BIRC6: variants seen among roughly 807,000 people sequenced by gnomAD.
The protein encoded by BIRC6 is dual E2 ubiquitin-conjugating enzyme/E3 ubiquitin-protein ligase BIRC6.
In BIRC6, 98 loss-of-function variants were observed where a neutral mutation model predicts 503.3. That is an observed-to-expected ratio of 0.19 (90% CI 0.17 to 0.23). BIRC6 has a LOEUF of 0.23. Among genes scored for constraint, BIRC6 ranks in the 10% least tolerant of loss-of-function variants. The probability of loss-of-function intolerance (pLI) is 1.00; values close to 1 mark genes in which losing one functional copy is unlikely to be tolerated. For missense variants in BIRC6, 5,360 were observed against 5,806.0 expected (o/e 0.92, Z 2.50); for synonymous variants, 2,240 against 2,078.7 (o/e 1.08, Z -2.11).
At chr2:32,561,439 C>T (rs1399753191) in intron 65 of BIRC6, among the ~76,000 whole-genome samples, 1 of 151,476 alleles carries the variant, frequency 6.6e-6, no homozygotes, top group Non-Finnish European at 1.5e-5. Context: ...TGGGTTTCAC[C>T]ATGTTAACCA....
At chr2:32,379,200 A>T (rs2037266384) in intron 2 of BIRC6, 1 of 152,198 alleles carries the variant, frequency 6.6e-6, no homozygotes, top group African/African-American at 2.4e-5. Context: ...GTCTGGAGGC[A>T]TGTCTAAAAT....
rs768326394 is a variant in BIRC6 at position 32,515,142 on chromosome 2, A to G, written c.10721A>G (p.His3574Arg). ...MGITPPPVQC[H>R]HRLSMTDDSK... ...ATTACCCCTCCTCCAGTGCAATGTC[A>G]TCATAGACTGTCCATGACAGATGAT... Residue 3574 changes from histidine to arginine, a missense_variant, in exon 55 of 74, where the codon CAT becomes CGT. Physicochemically the swap from His to Arg is conservative, Grantham distance 29. Around this residue, in one of 16 missense-constraint regions of BIRC6, gnomAD observed 878 missense variants for 928.9 expected, o/e 0.95. Coordinates refer to ENST00000421745, the MANE Select transcript of BIRC6 (RefSeq NM_016252.4). 1 of 1,613,978 alleles carries G rather than the reference A, an allele frequency of 6.2e-7. No homozygotes were observed. Among genetic ancestry groups the G allele is most frequent in the Non-Finnish European group, 8.5e-7 (1 of 1,179,884 alleles).
chr2:32,584,101 G>A lies in BIRC6; in HGVS notation c.13355+8735G>A, dbSNP rs1487783811. Among the ~76,000 whole-genome samples, 7 of 152,026 alleles carry A rather than the reference G, an allele frequency of 4.6e-5. No individual in the cohort carries two copies. The East Asian group carries it at 7.7e-4, about 17-fold the overall frequency. ...AAAACCTAAAGAATAGGCTGGGTGCGGTGGCTTACACCTGTAATCCCAGCA... is the reference window on the plus strand; with the variant it reads ...AAAACCTAAAGAATAGGCTGGGTGCAGTGGCTTACACCTGTAATCCCAGCA... On this transcript the variant is annotated intron_variant, in intron 66 of 73. Transcript: ENST00000421745.
At chr2:32,616,518 C>T (rs2063249403) in intron 73 of BIRC6, among the ~76,000 whole-genome samples, 1 of 147,172 alleles carries the variant, frequency 6.8e-6, no homozygotes, top group African/African-American at 2.5e-5. Flanking sequence ...CGAGATTGTG[C>T]CTCTGCACTC....
chr2:32,360,401 G>T (rs1372582420), intron 1 of BIRC6, among the ~76,000 whole-genome samples: 1 of 152,162 alleles, frequency 6.6e-6, no homozygotes, highest in Non-Finnish European at 1.5e-5. Flanking sequence ...CACAGGCTGG[G>T]TAAGTATTTG....
chr2:32,457,071 A>G (rs977818245), intron 23 of BIRC6, among the ~76,000 whole-genome samples: 6 of 152,136 alleles, frequency 3.9e-5, no homozygotes, highest in African/African-American at 1.4e-4. Context: ...TTATCTTTTT[A>G]TCTTTAAGTT....
At chr2:32,373,150 T>TTGCAGACTCATTGCAATA (rs1375545962) in intron 1 of BIRC6, among the ~76,000 whole-genome samples, 1 of 152,172 alleles carries the variant, frequency 6.6e-6, no homozygotes, top group African/African-American at 2.4e-5. Context: ...CCCAAACAAT[T>TTGCAGACTCATTGCAATA]TGCAGACTCA....
At chr2:32,478,565 G>A in intron 35 of BIRC6, 70 bp from the exon 36 acceptor site, 1 of 1,365,526 alleles carries the variant, frequency 7.3e-7, no homozygotes, top group Non-Finnish European at 1.0e-6. Flanking sequence ...AGTATTGGTA[G>A]ACTTCTGTTA....
At chr2:32,441,561 A>T (rs1014848252) in intron 17 of BIRC6, 99 bp downstream of exon 17, 2 of 1,180,744 alleles carry the variant, frequency 1.7e-6, no homozygotes, top group African/African-American at 1.5e-5. Context: ...TTTACCTGAA[A>T]ATTTTTTTTG....
At chr2:32,581,897 C>G (rs1379774300) in intron 66 of BIRC6, among the ~76,000 whole-genome samples, 1 of 152,158 alleles carries the variant, frequency 6.6e-6, no homozygotes, top group Non-Finnish European at 1.5e-5. Context: ...GAGTCTTACT[C>G]TGTCACCCAG....
intron 54 of BIRC6, among the ~76,000 whole-genome samples, chr2:32,514,255 A>G (rs1159387514): frequency 6.6e-6 from 1 of 152,100 alleles, no homozygotes; most frequent in Non-Finnish European, 1.5e-5. Context: ...CAGGAGTTAG[A>G]GCCCACACTG....
chr2:32,432,881 A>G (rs1328227423), intron 12 of BIRC6, among the ~76,000 whole-genome samples: 1 of 152,052 alleles, frequency 6.6e-6, no homozygotes, highest in African/African-American at 2.4e-5. Context: ...TGTATTTAGA[A>G]TGATGGTTGT....
chr2:32,531,315 C>A, intron 60 of BIRC6, 40 bp from the exon 61 acceptor site: 7 of 1,465,088 alleles, frequency 4.8e-6, no homozygotes, highest in South Asian at 4.0e-5. Context: ...AAAAATATAC[C>A]CTTTCTTACC....
At chr2:32,507,598 T>A (rs893151026) in intron 50 of BIRC6, among the ~76,000 whole-genome samples, 1 of 152,222 alleles carries the variant, frequency 6.6e-6, no homozygotes, top group Non-Finnish European at 1.5e-5. Context: ...CCATAGCATA[T>A]TAATCAAAGG....
intron 15 of BIRC6, among the ~76,000 whole-genome samples, chr2:32,437,019 G>T (rs1001387460): frequency 1.3e-5 from 2 of 150,680 alleles, no homozygotes; most frequent in Non-Finnish European, 2.9e-5. Context: ...CTTCTGAGTA[G>T]CTGGGACTAC....
Position 32,487,785 on chromosome 2 carries a change from A to G in BIRC6, c.7952A>G (p.Gln2651Arg), listed in dbSNP as rs757104991. ...VCFNKLFSML[Q>R]VHHVQLESLL... ...TTCAACAAACTTTTTTCCATGCTTC[A>G]AGTCCATCATGTTCAGGTATGACTT... Residue 2651 changes from glutamine (Q) to arginine (R), a missense_variant, in exon 41 of 74, where the codon CAA becomes CGA. Gln to Arg is a conservative substitution (Grantham distance 43). Coordinates refer to ENST00000421745, the MANE Select transcript of BIRC6 (RefSeq NM_016252.4). 5 of 1,611,532 alleles carry G rather than the reference A, an allele frequency of 3.1e-6. No individual in the cohort carries two copies. In the Admixed American group the frequency reaches 8.3e-5, roughly 27 times the overall value.
Position 32,431,004 on chromosome 2 carries a change from G to C in BIRC6, c.3162G>C (p.Gln1054His). The change falls in exon 12 of 74, where the codon CAG becomes CAC. Residue 1054 changes from glutamine to histidine, a missense_variant. Physicochemically the swap from Gln to His is conservative, Grantham distance 24 (BLOSUM62 0). Transcript: ENST00000421745. ...GGGTAGAAGTTCAACAAGAACAGCA[G>C]CAAAGGAGGCATCCTCAACATTTGC... ...PCWVEVQQEQQQRRHPQHLHQ... is the reference protein window; with the variant it reads ...PCWVEVQQEQHQRRHPQHLHQ... 1 of 1,613,094 alleles carries C rather than the reference G, an allele frequency of 6.2e-7. No individual in the cohort carries two copies. Among genetic ancestry groups the C allele is most frequent in the Non-Finnish European group, 8.5e-7 (1 of 1,179,682 alleles).
intron 10 of BIRC6, among the ~76,000 whole-genome samples, chr2:32,421,524 T>C (rs1000406303): frequency 6.6e-6 from 1 of 152,230 alleles, no homozygotes; most frequent in East Asian, 1.9e-4. Context: ...TTTGATACAT[T>C]GTGTTTTTCC....
intron 39 of BIRC6, 27 bp downstream of exon 39, chr2:32,482,609 A>G: frequency 6.2e-7 from 1 of 1,610,002 alleles, no homozygotes; most frequent in Non-Finnish European, 8.5e-7. Context: ...ATTTTAAGAC[A>G]TATGCTATTC....
Sources: allele counts gnomAD v4.1 joint callset (sites outside exome capture counted in the v4.1 genomes callset), GRCh38; gene constraint gnomAD v4.1.1; regional missense constraint gnomAD v4.1.1; transcripts MANE v1.5; gene names NCBI Gene and HGNC (gene_info 2026-07-23, HGNC 2026-07-21).